RSRC1: variants seen among roughly 807,000 people sequenced by gnomAD.
RSRC1 encodes the protein arginine and serine rich coiled-coil 1.
A neutral mutation model predicts 49.1 loss-of-function variants in RSRC1; 39 were observed. The observed-to-expected ratio is 0.79, with a 90% CI of 0.61 to 1.04. The LOEUF is 1.04. RSRC1 is among the 50% of genes least tolerant of loss of function. RSRC1 has a pLI of 0.00. For synonymous variants in RSRC1, 143 were observed against 130.8 expected (o/e 1.09, Z -0.63); for missense variants, 388 against 402.4 (o/e 0.96, Z 0.31).
At chr3:158,435,172 A>G (rs1735981338) in intron 6 of RSRC1, among the ~76,000 whole-genome samples, 1 of 151,776 alleles carries the variant, frequency 6.6e-6, no homozygotes, top group Admixed American at 6.6e-5. Flanking sequence ...CTATTTATCT[A>G]TTTTTTTAAA....
intron 3 of RSRC1, among the ~76,000 whole-genome samples, chr3:158,144,823 C>G (rs573688097): frequency 2.6e-5 from 4 of 152,166 alleles, no homozygotes; most frequent in Non-Finnish European, 5.9e-5. Flanking sequence ...TAATGATCGC[C>G]ATTCTTACTG....
intron 3 of RSRC1, among the ~76,000 whole-genome samples, chr3:158,197,292 G>C (rs935576063): frequency 6.6e-6 from 1 of 152,128 alleles, no homozygotes; most frequent in Non-Finnish European, 1.5e-5. Flanking sequence ...TTTGCATAGA[G>C]GTGTTTATAG....
At chr3:158,201,080 T>A (rs1204254226) in intron 3 of RSRC1, among the ~76,000 whole-genome samples, 1 of 152,156 alleles carries the variant, frequency 6.6e-6, no homozygotes, top group Non-Finnish European at 1.5e-5. Context: ...CTCAAAAATG[T>A]CCTTATTTTA....
intron 7 of RSRC1, among the ~76,000 whole-genome samples, chr3:158,506,233 G>T (rs1224514068): frequency 6.6e-6 from 1 of 151,906 alleles, no homozygotes; most frequent in Non-Finnish European, 1.5e-5. Flanking sequence ...AATATGTAAG[G>T]AACTCAAATC....
At chr3:158,242,032 CTTTTTTT>C (rs34356543) in intron 4 of RSRC1, among the ~76,000 whole-genome samples, 3 of 66,618 alleles carry the variant, frequency 4.5e-5, no homozygotes, top group African/African-American at 2.0e-4. Flanking sequence ...AATTTCCAAC[CTTTTTTT>C]TTTTTTTTTT....
At chr3:158,321,974 TACAC>T (rs71144456) in intron 5 of RSRC1, among the ~76,000 whole-genome samples, 101,317 of 148,378 alleles carry the variant, frequency 0.68, 35,879 homozygotes, top group East Asian at 0.86. Flanking sequence ...TTTTAACACC[TACAC>T]ACACACACAC....
chr3:158,231,271 G>C (rs943347475), intron 4 of RSRC1, among the ~76,000 whole-genome samples: 1 of 149,526 alleles, frequency 6.7e-6, no homozygotes, highest in Admixed American at 6.8e-5. Flanking sequence ...AGGTAGCTGG[G>C]ATTACAGGTG....
chr3:158,251,330 GA>G, intron 4 of RSRC1, among the ~76,000 whole-genome samples: 1 of 152,032 alleles, frequency 6.6e-6, no homozygotes, highest in Non-Finnish European at 1.5e-5. Context: ...TAAATTTTAG[GA>G]TTTTTTTTCT....
rs1413465421 is a variant in RSRC1, at chr3:158,298,030, C to G, written c.495-9C>G. On this transcript the variant is annotated splice_polypyrimidine_tract_variant and intron_variant, in intron 4 of 9. Transcript: ENST00000611884. ...GCAACTATTTAGAACTTTTACTCTT[C>G]TATTTTAGGGAATCTGGAAACATCA... 2 of 1,594,920 alleles carry G rather than the reference C, an allele frequency of 1.3e-6. No individual in the cohort carries two copies. Among genetic ancestry groups the G allele is most frequent in the Non-Finnish European group, 1.7e-6 (2 of 1,163,818 alleles).
intron 6 of RSRC1, among the ~76,000 whole-genome samples, chr3:158,402,150 GT>G (rs1560026845): frequency 1.3e-5 from 2 of 152,030 alleles, no homozygotes; most frequent in East Asian, 3.9e-4. Context: ...TATAGCTAGA[GT>G]TTAATTATTT....
intron 6 of RSRC1, among the ~76,000 whole-genome samples, chr3:158,422,596 T>C (rs1368902369): frequency 2.6e-5 from 4 of 150,982 alleles, no homozygotes; most frequent in Non-Finnish European, 5.9e-5. Context: ...TACCCAGTAA[T>C]GGGATGGCTG....
At chr3:158,391,778 A>G (rs551497667) in intron 6 of RSRC1, among the ~76,000 whole-genome samples, 1 of 152,260 alleles carries the variant, frequency 6.6e-6, no homozygotes, top group South Asian at 2.1e-4. Context: ...CTCAGTAAAA[A>G]TATATTTTGT....
At position 158,159,315 on chromosome 3, in the gene RSRC1, C is replaced by G. The variant is rs142748545; in HGVS notation, c.320+35324C>G. On this transcript the variant is annotated intron_variant, in intron 3 of 9. Coordinates refer to ENST00000611884, the MANE Select transcript of RSRC1 (RefSeq NM_001271838.2). ...CAAATTGGAAGTGTCCTAGAGAATT[C>G]CAGAACAGAATGTGATGGCCATTCA... Among the ~76,000 whole-genome samples the G allele has an allele frequency of 5.3e-5, 8 of 152,184 alleles. No homozygotes were observed. In the East Asian group the frequency reaches 1.5e-3, roughly 29 times the overall value.
At chr3:158,345,364 G>A (rs56254117) in intron 5 of RSRC1, among the ~76,000 whole-genome samples, 1 of 152,120 alleles carries the variant, frequency 6.6e-6, no homozygotes, top group African/African-American at 2.4e-5. Flanking sequence ...AATAAAGCAA[G>A]ATCCAACTAC....
At position 158,232,475 on chromosome 3, in the gene RSRC1, A is replaced by G. The variant is rs149593545; in HGVS notation, c.494+29230A>G. Among the ~76,000 whole-genome samples the G allele has an allele frequency of 1.6e-3, 246 of 152,274 alleles. 1 individual carries two copies. The highest frequency in any genetic ancestry group is 5.6e-3 in the African/African-American group (233 of 41,570). ...TAGTCACCACCATACTCACAAGAACATCTGTGAACACGTTGCTTGAAATTA... is the reference window on the plus strand; with the variant it reads ...TAGTCACCACCATACTCACAAGAACGTCTGTGAACACGTTGCTTGAAATTA... On this transcript the variant is annotated intron_variant, in intron 4 of 9. Coordinates refer to ENST00000611884, the MANE Select transcript of RSRC1 (RefSeq NM_001271838.2).
intron 6 of RSRC1, among the ~76,000 whole-genome samples, chr3:158,439,387 C>T (rs1478881217): frequency 6.6e-6 from 1 of 152,092 alleles, no homozygotes; most frequent in African/African-American, 2.4e-5. Context: ...CGGCACTATT[C>T]ACAATAGCAA....
intron 3 of RSRC1, among the ~76,000 whole-genome samples, chr3:158,186,215 C>CATA (rs1719923674): frequency 6.6e-6 from 1 of 151,914 alleles, no homozygotes; most frequent in African/African-American, 2.4e-5. Flanking sequence ...GTAGTGCCCA[C>CATA]CTGCTAATTA....
intron 1 of RSRC1, among the ~76,000 whole-genome samples, chr3:158,120,853 T>G (rs1401195275): frequency 6.6e-6 from 1 of 150,726 alleles, no homozygotes; most frequent in African/African-American, 2.4e-5. Flanking sequence ...GAATGGATCT[T>G]GTTTTTATAT....
At chr3:158,535,521 C>CAGTG (rs1553823062) in intron 7 of RSRC1, among the ~76,000 whole-genome samples, 1 of 150,442 alleles carries the variant, frequency 6.6e-6, no homozygotes, top group African/African-American at 2.4e-5. Context: ...AATTCAGTAA[C>CAGTG]AATACCCCTA....
Sources: allele counts gnomAD v4.1 joint callset (sites outside exome capture counted in the v4.1 genomes callset), GRCh38; gene constraint gnomAD v4.1.1; transcripts MANE v1.5; gene names NCBI Gene and HGNC (gene_info 2026-07-23, HGNC 2026-07-21).